MAGI2: variants seen among roughly 807,000 people sequenced by gnomAD.
The protein encoded by MAGI2 is membrane associated guanylate kinase, WW and PDZ domain containing 2.
Under a neutral mutation model 133.3 loss-of-function variants are expected in MAGI2, and 35 were observed. The observed-to-expected ratio is 0.26, with a 90% CI of 0.20 to 0.35. The LOEUF is 0.35. Among genes scored for constraint, MAGI2 ranks in the 10% least tolerant of loss-of-function variants. The pLI, the probability that MAGI2 is intolerant of heterozygous loss-of-function variation, is 1.00. For missense variants in MAGI2, 1,636 were observed against 1,863.4 expected, an observed-to-expected ratio of 0.88 and a Z score of 2.25; for synonymous variants, 729 against 710.6, an observed-to-expected ratio of 1.03 and a Z score of -0.41.
At chr7:78,885,923 C>T (rs1199092810) in intron 2 of MAGI2, among the ~76,000 whole-genome samples, 6 of 152,114 alleles carry the variant, frequency 3.9e-5, no homozygotes, top group Admixed American at 2.6e-4. Flanking sequence ...ACAGACTGTG[C>T]CTGCTGATCC....
At chr7:79,238,594 A>G (rs1202350125) in intron 1 of MAGI2, among the ~76,000 whole-genome samples, 1 of 152,190 alleles carries the variant, frequency 6.6e-6, no homozygotes, top group African/African-American at 2.4e-5. Flanking sequence ...TAGTCAAAAC[A>G]GTTTACTGGT....
At chr7:78,369,871 T>C (rs984532216) in intron 6 of MAGI2, among the ~76,000 whole-genome samples, 1 of 151,984 alleles carries the variant, frequency 6.6e-6, no homozygotes, top group African/African-American at 2.4e-5. Flanking sequence ...TCAACAATAC[T>C]ATAAATCCTA....
At chr7:79,193,686 G>A (rs112871342) in intron 1 of MAGI2, among the ~76,000 whole-genome samples, 4,098 of 151,542 alleles carry the variant, frequency 0.027, 85 homozygotes, top group East Asian at 0.04. Flanking sequence ...GTGGAAGAAA[G>A]CAAAAAAAAA....
intron 2 of MAGI2, among the ~76,000 whole-genome samples, chr7:78,896,035 A>G (rs185030058): frequency 2.3e-4 from 35 of 152,300 alleles, no homozygotes; most frequent in African/African-American, 7.2e-4. Flanking sequence ...TCTTTTTTCA[A>G]ATCAGATTGT....
intron 9 of MAGI2, among the ~76,000 whole-genome samples, chr7:78,272,960 T>G (rs951356761): frequency 5.9e-5 from 9 of 152,356 alleles, no homozygotes; most frequent in Admixed American, 4.6e-4. Flanking sequence ...AATATTGTTA[T>G]GTATGAATTT....
intron 14 of MAGI2, among the ~76,000 whole-genome samples, chr7:78,177,447 G>GAC (rs1169626171): frequency 7.2e-6 from 1 of 139,264 alleles, no homozygotes; most frequent in Non-Finnish European, 1.6e-5. Flanking sequence ...CACACACACA[G>GAC]ACACACACAC....
In MAGI2 at chr7:78,677,034, A is replaced by C. The variant is rs75536114; in HGVS notation, c.419-49795T>G. Among the ~76,000 whole-genome samples, 13 of 152,200 alleles carry C rather than the reference A, an allele frequency of 8.5e-5. No individual in the cohort carries two copies. The East Asian group carries it at 2.5e-3, about 29-fold the overall frequency. On this transcript the variant is annotated intron_variant, in intron 2 of 21. Transcript: ENST00000354212. The stretch of plus-strand genomic sequence containing the variant: ...TTTGAGTCAACATAACTCAGTTTAA[A>C]CAGTTTTTTTCTTTAACTTCCCATT...
intron 3 of MAGI2, among the ~76,000 whole-genome samples, chr7:78,597,449 G>T (rs1203951554): frequency 6.6e-6 from 1 of 151,866 alleles, no homozygotes; most frequent in Non-Finnish European, 1.5e-5. Context: ...TTGAAATACG[G>T]TCAGAGGCAC....
At chr7:78,546,482 G>T (rs1798852471) in intron 3 of MAGI2, among the ~76,000 whole-genome samples, 1 of 152,064 alleles carries the variant, frequency 6.6e-6, no homozygotes, top group Admixed American at 6.6e-5. Context: ...AAGCCTGCAG[G>T]TCTAATTATC....
chr7:78,324,170 C>CACTACACACTACACT (rs77844311), intron 9 of MAGI2, among the ~76,000 whole-genome samples: 260 of 127,270 alleles, frequency 2.0e-3, no homozygotes, highest in African/African-American at 8.1e-3. Context: ...CACTACACTA[C>CACTACACACTACACT]ACACTACACT....
chr7:78,789,908 T>C (rs1427039624), intron 2 of MAGI2, among the ~76,000 whole-genome samples: 1 of 152,014 alleles, frequency 6.6e-6, no homozygotes, highest in African/African-American at 2.4e-5. Flanking sequence ...AAAATGAAAA[T>C]AGTTATAAGT....
At chr7:78,777,379 A>T (rs1347585970) in intron 2 of MAGI2, among the ~76,000 whole-genome samples, 5 of 152,190 alleles carry the variant, frequency 3.3e-5, no homozygotes, top group Non-Finnish European at 7.4e-5. Context: ...GTTATCAGGC[A>T]TTAAATAACA....
intron 1 of MAGI2, among the ~76,000 whole-genome samples, chr7:79,137,045 G>T (rs1159581347): frequency 1.3e-5 from 2 of 151,846 alleles, no homozygotes; most frequent in South Asian, 2.1e-4. Flanking sequence ...AGGCTGGTGC[G>T]ATCTTGGCTC....
At chr7:79,288,669 G>T (rs758993644) in intron 1 of MAGI2, among the ~76,000 whole-genome samples, 11 of 152,092 alleles carry the variant, frequency 7.2e-5, no homozygotes, top group Non-Finnish European at 1.3e-4. Context: ...ACGTCATTCA[G>T]ATCTCCTGGA....
At chr7:78,486,390 G>A (rs908876669) in intron 6 of MAGI2, 1 of 154,696 alleles carries the variant, frequency 6.5e-6, no homozygotes, top group African/African-American at 2.4e-5. Flanking sequence ...TTTGTCCTGT[G>A]GATCAAATTC....
intron 13 of MAGI2, among the ~76,000 whole-genome samples, chr7:78,183,113 C>A (rs1243051272): frequency 1.3e-5 from 2 of 152,062 alleles, no homozygotes; most frequent in Non-Finnish European, 2.9e-5. Flanking sequence ...TGCCTCTGTA[C>A]CTAAGGATCT....
chr7:79,110,253 A>G (rs1216893014), intron 1 of MAGI2, among the ~76,000 whole-genome samples: 1 of 152,128 alleles, frequency 6.6e-6, no homozygotes, highest in Non-Finnish European at 1.5e-5. Context: ...ATGAGGTTGG[A>G]GGCCCCACAC....
intron 1 of MAGI2, among the ~76,000 whole-genome samples, chr7:79,287,281 T>C (rs988772951): frequency 2.6e-5 from 4 of 152,130 alleles, no homozygotes; most frequent in Non-Finnish European, 4.4e-5. Flanking sequence ...TGCAGCTTCA[T>C]GATAATAAAT....
intron 6 of MAGI2, among the ~76,000 whole-genome samples, chr7:78,396,151 TA>T (rs1467719304): frequency 6.6e-6 from 1 of 152,160 alleles, no homozygotes; most frequent in Non-Finnish European, 1.5e-5. Context: ...CCTTTTAAGA[TA>T]AATTTTCAGA....
Sources: allele counts gnomAD v4.1 joint callset (sites outside exome capture counted in the v4.1 genomes callset), GRCh38; gene constraint gnomAD v4.1.1; transcripts MANE v1.5; gene names NCBI Gene and HGNC (gene_info 2026-07-23, HGNC 2026-07-21).